MYO6: variants seen among roughly 807,000 people sequenced by gnomAD.
The protein encoded by MYO6 is unconventional myosin-VI.
MYO6 carries 74 observed loss-of-function variants against 178.7 expected under a neutral mutation model. The ratio of observed to expected loss-of-function variants is 0.41; its 90% CI spans 0.34 to 0.50. The LOEUF (loss-of-function observed/expected upper bound fraction) is 0.50. Among genes scored for constraint, MYO6 ranks in the 20% least tolerant of loss-of-function variants. The pLI is 0.09. For missense variants in MYO6, 1,330 were observed against 1,547.4 expected (o/e 0.86, Z 2.36); for synonymous variants, 477 against 504.6 (o/e 0.95, Z 0.73).
Position 75,914,798 on chromosome 6 carries a change from A to G in MYO6, c.3659-15A>G. The G allele has an allele frequency of 1.2e-6, 2 of 1,613,198 alleles. No individual in the cohort carries two copies. Among genetic ancestry groups the G allele is most frequent in the East Asian group, 2.2e-5 (1 of 44,880 alleles). Reference sequence around the variant, plus strand: ...AAGAGAGAGATGGTAATTTTCTGATATCTCATGAATACAGGTAAGGACGAC... The same window carrying G: ...AAGAGAGAGATGGTAATTTTCTGATGTCTCATGAATACAGGTAAGGACGAC... On this transcript the variant is annotated splice_polypyrimidine_tract_variant and intron_variant, in intron 34 of 34. Transcript: ENST00000369977.
rs765879845 is a variant in MYO6 at position 75,857,020 on chromosome 6, A to G, written c.1224-77A>G. ...CTTTATTTTGTTCTTCTCTGTGTGT[A>G]TGTTTAGGTGCACTCTGTGGCATTT... On this transcript the variant is annotated intron_variant, in intron 12 of 34. Transcript: ENST00000369977. 4.4e-6 allele frequency: 6 copies of G among 1,350,912 alleles called. No individual in the cohort carries two copies. In the East Asian group the frequency reaches 7.0e-5, roughly 16 times the overall value. The allele number at this position is 1,350,912 out of a possible 1,614,324, so 83.7% of individuals were successfully genotyped here.
intron 23 of MYO6, among the ~76,000 whole-genome samples, chr6:75,883,093 A>G (rs1014013672): frequency 4.6e-5 from 7 of 152,192 alleles, no homozygotes; most frequent in African/African-American, 1.7e-4. Flanking sequence ...TACATACACA[A>G]TGTTTACCCA....
chr6:75,875,736 T>C (rs978385814), intron 20 of MYO6, among the ~76,000 whole-genome samples: 1 of 152,236 alleles, frequency 6.6e-6, no homozygotes, highest in Non-Finnish European at 1.5e-5. Context: ...ACCTTCTAAA[T>C]AGTGAGTCCT....
Position 75,792,614 on chromosome 6 carries a change from CT to C in MYO6, c.-47-24877del, listed in dbSNP as rs1235833740. Among the ~76,000 whole-genome samples, 546 of 148,920 alleles carry C rather than the reference CT, an allele frequency of 3.7e-3. 1 individual carries two copies. Among genetic ancestry groups the C allele is most frequent in the Non-Finnish European group, 6.2e-3 (414 of 67,094 alleles). ...AACATTTTCAAATATTGAAAAATTA[CT>C]TTTTTTTTTGTGGGATTGCCACTAG... On this transcript the variant is annotated intron_variant, in intron 1 of 34. Coordinates refer to ENST00000369977, the MANE Select transcript of MYO6 (RefSeq NM_004999.4).
intron 1 of MYO6, among the ~76,000 whole-genome samples, 178 bp from the exon 2 acceptor site, chr6:75,817,323 G>C (rs1418584669): frequency 2.1e-5 from 3 of 145,678 alleles, no homozygotes; most frequent in African/African-American, 7.9e-5. Flanking sequence ...AAAAAAAAAA[G>C]TAGATAAAGG....
chr6:75,888,751 A>C (rs1778667165), intron 25 of MYO6, among the ~76,000 whole-genome samples: 1 of 152,078 alleles, frequency 6.6e-6, no homozygotes, highest in South Asian at 2.1e-4. Context: ...ACATTTTTAC[A>C]GTTCTTATCA....
chr6:75,918,039 G>A lies in MYO6; in HGVS notation c.*3027G>A, dbSNP rs1036090935. On this transcript the variant is annotated 3_prime_UTR_variant, in exon 35 of 35. Coordinates refer to ENST00000369977, the MANE Select transcript of MYO6 (RefSeq NM_004999.4). ...TCCAGAGAGGTCAAGTAATTTAGTT[G>A]TAGACTGAAAAATATATCAAAGCCT... 1 of 152,296 alleles carries A rather than the reference G, an allele frequency of 6.6e-6. No individual in the cohort carries two copies. The highest frequency in any genetic ancestry group is 2.4e-5 in the African/African-American group (1 of 41,438). The allele number at this position is 152,296 out of a possible 1,614,324, so 9.4% of individuals were successfully genotyped here.
At position 75,796,952 on chromosome 6, in the gene MYO6, G is replaced by A. The variant is rs1768904329; in HGVS notation, c.-47-20549G>A. 3.9e-5 allele frequency among the ~76,000 whole-genome samples: 6 copies of A among 152,140 alleles called. No individual in the cohort carries two copies. In the South Asian group the frequency reaches 1.2e-3, roughly 32 times the overall value. On this transcript the variant is annotated intron_variant, in intron 1 of 34. Coordinates refer to ENST00000369977, the MANE Select transcript of MYO6 (RefSeq NM_004999.4). Reference sequence around the variant, plus strand: ...TAATGGCTGCATAGTATTCCATGGTGTATGTGTACTATATTTTCTTTATCC... The same window carrying A: ...TAATGGCTGCATAGTATTCCATGGTATATGTGTACTATATTTTCTTTATCC...
At chr6:75,828,333 A>G (rs952245190) in intron 3 of MYO6, among the ~76,000 whole-genome samples, 3 of 152,178 alleles carry the variant, frequency 2.0e-5, no homozygotes, top group African/African-American at 7.2e-5. Flanking sequence ...ATTACTTAAA[A>G]ATATCACTGT....
Position 75,840,570 on chromosome 6 carries a change from T to G in MYO6, c.554-15T>G, listed in dbSNP as rs774505664. 15 of 1,583,806 alleles carry G rather than the reference T, an allele frequency of 9.5e-6. No individual in the cohort carries two copies. Among genetic ancestry groups the G allele is most frequent in the Non-Finnish European group, 1.2e-5 (14 of 1,152,446 alleles). ...TCATGCTAATTTTTTGATGGATTTT[T>G]TTGTTTCTCAATAGCTAACCCACTC... On this transcript the variant is annotated splice_polypyrimidine_tract_variant and intron_variant, in intron 7 of 34. Coordinates refer to ENST00000369977, the MANE Select transcript of MYO6 (RefSeq NM_004999.4).
intron 11 of MYO6, among the ~76,000 whole-genome samples, chr6:75,852,165 C>T (rs1465642783): frequency 3.3e-5 from 5 of 149,306 alleles, no homozygotes; most frequent in African/African-American, 4.9e-5. Flanking sequence ...AGAAACTTTG[C>T]GATATAGTAA....
rs772276657 is a variant in MYO6, at chr6:75,892,545, C to G, written c.2962C>G (p.Gln988Glu). The G allele has an allele frequency of 1.9e-6, 3 of 1,613,962 alleles. No homozygotes were observed. The highest frequency in any genetic ancestry group is 1.7e-6 in the Non-Finnish European group (2 of 1,180,010). ...CCCTTGTCAGGCTGAAGTGGAGGCA[C>G]AGCTGGCCCGACAGAAGGAGGAGGA... Reference protein sequence around the residue: ...EKRIQAEVEAQLARQKEEESQ... With the variant: ...EKRIQAEVEAELARQKEEESQ... The change falls in exon 28 of 35, where the codon CAG becomes GAG. Residue 988 changes from glutamine to glutamate, a missense_variant. By Grantham distance (29) the Gln-to-Glu change is conservative (BLOSUM62 2). Transcript: ENST00000369977.
chr6:75,782,248 T>G (rs560595267), intron 1 of MYO6, among the ~76,000 whole-genome samples: 1 of 152,306 alleles, frequency 6.6e-6, no homozygotes, highest in East Asian at 1.9e-4. Flanking sequence ...ATTACCTTAA[T>G]GTGTGTCAGT....
intron 9 of MYO6, among the ~76,000 whole-genome samples, chr6:75,843,172 C>A (rs1774406964): frequency 6.6e-6 from 1 of 152,072 alleles, no homozygotes; most frequent in African/African-American, 2.4e-5. Context: ...GTAGTTTAGC[C>A]CTCTGGTTAT....
intron 1 of MYO6, among the ~76,000 whole-genome samples, chr6:75,797,799 G>C (rs2150107843): frequency 6.6e-6 from 1 of 152,308 alleles, no homozygotes; most frequent in East Asian, 1.9e-4. Context: ...TTTCCAAAAT[G>C]CTGGGATTAT....
intron 27 of MYO6, among the ~76,000 whole-genome samples, chr6:75,891,709 A>G (rs981186141): frequency 6.6e-6 from 1 of 152,222 alleles, no homozygotes; most frequent in Non-Finnish European, 1.5e-5. Flanking sequence ...TTGATTTGCT[A>G]GATAAGCTGT....
intron 1 of MYO6, among the ~76,000 whole-genome samples, chr6:75,796,630 T>C (rs1026432518): frequency 1.3e-5 from 1 of 79,816 alleles, no homozygotes; most frequent in Non-Finnish European, 3.7e-5. Context: ...GACTCCCATC[T>C]TTTTTTTTTT....
chr6:75,759,354 A>C (rs1481832066), intron 1 of MYO6, among the ~76,000 whole-genome samples: 1 of 152,248 alleles, frequency 6.6e-6, no homozygotes, highest in East Asian at 1.9e-4. Flanking sequence ...GTTAGAGAAC[A>C]AACAAGTGTG....
intron 12 of MYO6, among the ~76,000 whole-genome samples, 174 bp downstream of exon 12, chr6:75,855,457 C>G (rs1233732959): frequency 1.3e-5 from 2 of 152,114 alleles, no homozygotes; most frequent in Non-Finnish European, 2.9e-5. Context: ...AAAGTTGTTC[C>G]TTGCTGATAT....
Sources: gnomAD v4.1 joint callset for allele counts (sites outside exome capture counted in the v4.1 genomes callset) on GRCh38, gnomAD v4.1.1 for gene constraint, MANE v1.5 for transcripts, NCBI Gene and HGNC (gene_info 2026-07-23, HGNC 2026-07-21) for gene names.